Variants in EPHA7 observed in about 807,000 individuals in gnomAD.
EPHA7 encodes ephrin type-A receptor 7.
EPHA7 carries 25 observed loss-of-function variants against 112.6 expected under a neutral mutation model. That is an observed-to-expected ratio of 0.22 (90% CI 0.16 to 0.31). EPHA7 has a LOEUF of 0.31. EPHA7 is among the 10% of genes least tolerant of loss of function. The pLI, the probability that EPHA7 is intolerant of heterozygous loss-of-function variation, is 1.00. For synonymous variants in EPHA7, 437 were observed against 406.5 expected (o/e 1.07, Z -0.90); for missense variants, 962 against 1,212.6 (o/e 0.79, Z 3.07).
chr6:93,399,158 A>C (rs1778320152), intron 3 of EPHA7, among the ~76,000 whole-genome samples: 1 of 152,096 alleles, frequency 6.6e-6, no homozygotes, highest in African/African-American at 2.4e-5. Context: ...CTCCTGCACA[A>C]ATCTTCAGTT....
intron 3 of EPHA7, among the ~76,000 whole-genome samples, chr6:93,376,575 T>C (rs1220913786): frequency 6.6e-6 from 1 of 152,202 alleles, no homozygotes; most frequent in Non-Finnish European, 1.5e-5. Flanking sequence ...GAAATACATG[T>C]AGCTGATTGT....
In EPHA7 at chr6:93,263,905, A is replaced by G; in HGVS notation, c.1753T>C (p.Tyr585His). ...TCGCCTTCTTGGTCAGCTTTGCTAT[A>G]ACCACAGTGCCTTGAAGAAAGCAAA... ...GFIIGRRHCG[Y>H]SKADQEGDEE... Residue 585 changes from tyrosine to histidine, a missense_variant, in exon 9 of 17, where the codon TAT (tyrosine) becomes CAT (histidine). By Grantham distance (83) the Tyr-to-His change is moderately conservative. Around this residue, in one of 3 missense-constraint regions of EPHA7, gnomAD observed 746 missense variants for 889.2 expected, o/e 0.84. Transcript: ENST00000369303. 2 of 1,609,424 alleles carry G rather than the reference A, an allele frequency of 1.2e-6. No individual in the cohort carries two copies. The highest frequency in any genetic ancestry group is 1.7e-6 in the Non-Finnish European group (2 of 1,177,060).
intron 5 of EPHA7, among the ~76,000 whole-genome samples, chr6:93,301,693 T>C (rs1772984133): frequency 6.6e-6 from 1 of 152,202 alleles, no homozygotes; most frequent in Admixed American, 6.6e-5. Context: ...TTCTATGTAA[T>C]CCTGGGAAAA....
At chr6:93,393,838 T>A (rs1035837311) in intron 3 of EPHA7, among the ~76,000 whole-genome samples, 1 of 151,840 alleles carries the variant, frequency 6.6e-6, no homozygotes, top group Middle Eastern at 3.2e-3. Flanking sequence ...TTTTCCCCTC[T>A]TTTATGGAAA....
intron 5 of EPHA7, among the ~76,000 whole-genome samples, chr6:93,322,524 T>C (rs1244640594): frequency 6.6e-6 from 1 of 151,588 alleles, no homozygotes; most frequent in African/African-American, 2.4e-5. Context: ...TCTTCATTAA[T>C]TAATTTCTAA....
intron 3 of EPHA7, among the ~76,000 whole-genome samples, chr6:93,401,456 T>C (rs899579464): frequency 6.6e-6 from 1 of 152,082 alleles, no homozygotes; most frequent in African/African-American, 2.4e-5. Context: ...AATGCTATCA[T>C]TCGAGATTAA....
chr6:93,379,440 A>G (rs1381118416), intron 3 of EPHA7, among the ~76,000 whole-genome samples: 1 of 152,110 alleles, frequency 6.6e-6, no homozygotes, highest in African/African-American at 2.4e-5. Context: ...TTAGAGCATT[A>G]TAATAACTTT....
intron 7 of EPHA7, among the ~76,000 whole-genome samples, chr6:93,266,258 T>C (rs764348395): frequency 6.6e-6 from 1 of 151,646 alleles, no homozygotes; most frequent in Non-Finnish European, 1.5e-5. Context: ...GTTCCAGTCA[T>C]GAGGAAGAAA....
intron 3 of EPHA7, among the ~76,000 whole-genome samples, chr6:93,405,926 C>A (rs1022604798): frequency 3.4e-5 from 5 of 145,068 alleles, no homozygotes; most frequent in Non-Finnish European, 6.0e-5. Flanking sequence ...TACTTGTCTG[C>A]GAAAATAAAG....
intron 5 of EPHA7, among the ~76,000 whole-genome samples, chr6:93,323,004 T>C (rs1381654384): frequency 6.6e-6 from 1 of 151,616 alleles, no homozygotes; most frequent in South Asian, 2.1e-4. Context: ...ATGAAGATTT[T>C]ATTAATATGG....
chr6:93,403,427 T>A (rs1778528570), intron 3 of EPHA7, among the ~76,000 whole-genome samples: 1 of 148,960 alleles, frequency 6.7e-6, no homozygotes, highest in South Asian at 2.1e-4. Flanking sequence ...AGACAAGGAA[T>A]AAAATAAGAT....
At chr6:93,400,073 C>T (rs1778365589) in intron 3 of EPHA7, among the ~76,000 whole-genome samples, 1 of 151,930 alleles carries the variant, frequency 6.6e-6, no homozygotes, top group South Asian at 2.1e-4. Flanking sequence ...TCCTACCGCA[C>T]ATCTCTCTTC....
At chr6:93,355,742 A>G (rs777463526) in intron 5 of EPHA7, among the ~76,000 whole-genome samples, 48 of 152,216 alleles carry the variant, frequency 3.2e-4, no homozygotes, top group Non-Finnish European at 1.6e-4. Flanking sequence ...TAACCACAAC[A>G]AAGAATAAGT....
chr6:93,281,562 G>C (rs1771738521), intron 5 of EPHA7, among the ~76,000 whole-genome samples: 1 of 152,090 alleles, frequency 6.6e-6, no homozygotes, highest in South Asian at 2.1e-4. Flanking sequence ...CCTTTAAGTA[G>C]AATATGTGTA....
chr6:93,396,797 CATAAAT>C (rs1047417856), intron 3 of EPHA7, among the ~76,000 whole-genome samples: 4 of 151,616 alleles, frequency 2.6e-5, no homozygotes, highest in South Asian at 2.1e-4. Context: ...ATGTATGCAA[CATAAAT>C]ATAAATATGA....
intron 3 of EPHA7, among the ~76,000 whole-genome samples, chr6:93,396,460 C>A (rs1219678980): frequency 2.6e-5 from 4 of 151,796 alleles, no homozygotes; most frequent in African/African-American, 9.7e-5. Context: ...TAATACCTAA[C>A]AAAGATGCTA....
intron 3 of EPHA7, among the ~76,000 whole-genome samples, chr6:93,380,509 G>A (rs1777284110): frequency 6.6e-6 from 1 of 152,022 alleles, no homozygotes; most frequent in South Asian, 2.1e-4. Context: ...TGCATTTCGT[G>A]AATATTCTCC....
chr6:93,399,843 GA>G (rs1778353960), intron 3 of EPHA7, among the ~76,000 whole-genome samples: 1 of 152,006 alleles, frequency 6.6e-6, no homozygotes, highest in Non-Finnish European at 1.5e-5. Flanking sequence ...TGAACTGTTG[GA>G]AGTATAAATG....
At position 93,296,448 on chromosome 6, in the gene EPHA7, T is replaced by C. The variant is rs1352119965; in HGVS notation, c.1325-24026A>G. ...TATATATATAAAATATATAAATATA[T>C]ATATAAATATATATATATGTATATA... On this transcript the variant is annotated intron_variant, in intron 5 of 16. Transcript: ENST00000369303. 7.2e-4 allele frequency among the ~76,000 whole-genome samples: 98 copies of C among 136,060 alleles called. 1 individual carries two copies. Among genetic ancestry groups the C allele is most frequent in the Admixed American group, 3.6e-3 (50 of 13,888 alleles). 89.3% of individuals were successfully genotyped at this position (136,060 alleles called of 152,430 possible). A position where few individuals can be genotyped will look rare whatever the true frequency, so the allele number is the denominator to read the frequency against.
Sources: allele counts gnomAD v4.1 joint callset (sites outside exome capture counted in the v4.1 genomes callset), GRCh38; gene constraint gnomAD v4.1.1; regional missense constraint gnomAD v4.1.1; transcripts MANE v1.5; gene names NCBI Gene and HGNC (gene_info 2026-07-23, HGNC 2026-07-21).